Variants in CCAT2 observed in about 807,000 individuals in gnomAD.
CCAT2 encodes the protein colon cancer associated transcript 2, also known as colon cancer associated transcript 2 (non-protein coding).
At chr8:127,401,081 AT>A (rs1382699280) in exon 1 of CCAT2, 1 of 152,220 alleles carries the variant, frequency 6.6e-6, no homozygotes, top group Non-Finnish European at 1.5e-5. Flanking sequence ...AGTACAAAGA[AT>A]TTTTATGTGC....
chr8:127,401,967 C>A (rs1003348691), exon 1 of CCAT2: 1 of 151,850 alleles, frequency 6.6e-6, no homozygotes, highest in Non-Finnish European at 1.5e-5. Context: ...TCCTTTATCC[C>A]CAGATGTGGC....
At chr8:127,402,097 C>G (rs1814944672) in exon 1 of CCAT2, 1 of 152,232 alleles carries the variant, frequency 6.6e-6, no homozygotes, top group Non-Finnish European at 1.5e-5. Context: ...AGGTGTTCAG[C>G]TTCCCCTGTT....
exon 1 of CCAT2, chr8:127,401,713 A>T (rs2130612683): frequency 6.6e-6 from 1 of 152,358 alleles, no homozygotes; most frequent in Non-Finnish European, 1.5e-5. Context: ...GAGAGCTATT[A>T]GACTAAAGAG....
chr8:127,401,447 TTC>T (rs1347409279), exon 1 of CCAT2: 7 of 152,248 alleles, frequency 4.6e-5, no homozygotes, highest in Admixed American at 2.0e-4. Context: ...CAAGAAGGCA[TTC>T]TGTGTCTCCT....
chr8:127,401,249 G>A (rs944001685), exon 1 of CCAT2: 1 of 152,164 alleles, frequency 6.6e-6, no homozygotes, highest in African/African-American at 2.4e-5. Flanking sequence ...CCACAGTTCA[G>A]TTTCCTTTAA....
At chr8:127,401,081 A>G (rs766119038) in exon 1 of CCAT2, 3 of 152,220 alleles carry the variant, frequency 2.0e-5, no homozygotes, top group Non-Finnish European at 4.4e-5. Flanking sequence ...AGTACAAAGA[A>G]TTTTTATGTG....
At chr8:127,400,557 T>A (rs1814926681) in exon 1 of CCAT2, 1 of 152,162 alleles carries the variant, frequency 6.6e-6, no homozygotes. Flanking sequence ...TGCTAAAGTT[T>A]GCAAAACTGG....
chr8:127,401,621 A>G (rs577627605), exon 1 of CCAT2: 4 of 152,326 alleles, frequency 2.6e-5, no homozygotes, highest in African/African-American at 7.2e-5. Flanking sequence ...TTTTCTAAAG[A>G]GCCCTTAAGT....
exon 1 of CCAT2, chr8:127,400,454 A>G (rs749992610): frequency 1.3e-5 from 2 of 152,258 alleles, no homozygotes; most frequent in Non-Finnish European, 2.9e-5. Flanking sequence ...TGATTGCTGA[A>G]AAATGAATAC....
exon 1 of CCAT2, chr8:127,401,375 T>C (rs1020780880): frequency 2.0e-5 from 3 of 152,014 alleles, no homozygotes; most frequent in Non-Finnish European, 2.9e-5. Context: ...GTAGGAAGAG[T>C]CAAATAGTTA....
exon 1 of CCAT2, chr8:127,401,396 G>A (rs1814937115): frequency 6.6e-6 from 1 of 152,146 alleles, no homozygotes; most frequent in Non-Finnish European, 1.5e-5. Context: ...ATAAGGGAAG[G>A]GTTTGGCATG....
At chr8:127,401,700 T>G (rs1220575887) in exon 1 of CCAT2, 1 of 152,174 alleles carries the variant, frequency 6.6e-6, no homozygotes, top group African/African-American at 2.4e-5. Flanking sequence ...ATGGTATGAA[T>G]AGGAGAGCTA....
chr8:127,401,543 T>C (rs1814939125), exon 1 of CCAT2: 1 of 152,242 alleles, frequency 6.6e-6, no homozygotes, highest in Admixed American at 6.5e-5. Flanking sequence ...GTTTGGCCTA[T>C]ATCAATGCAT....
chr8:127,401,272 G>A (rs187300934), exon 1 of CCAT2: 1 of 152,320 alleles, frequency 6.6e-6, no homozygotes, highest in East Asian at 1.9e-4. Flanking sequence ...TGGTGCTCCA[G>A]GCAATAACTG....
exon 1 of CCAT2, chr8:127,402,062 G>C (rs891956875): frequency 2.0e-5 from 3 of 152,162 alleles, no homozygotes; most frequent in Non-Finnish European, 2.9e-5. Context: ...GTAGCTTTTT[G>C]AATGTCATTC....
exon 1 of CCAT2, chr8:127,400,420 T>C (rs1480223006): frequency 1.3e-5 from 2 of 152,222 alleles, no homozygotes; most frequent in Admixed American, 6.5e-5. Context: ...AGGTGGACTT[T>C]CCTGGATGTT....
exon 1 of CCAT2, chr8:127,400,763 A>T (rs747224428): frequency 1.3e-5 from 2 of 152,242 alleles, no homozygotes; most frequent in Non-Finnish European, 2.9e-5. Context: ...CCAAATGATT[A>T]CAAGCTTCTT....
exon 1 of CCAT2, chr8:127,400,646 C>T (rs1049614410): frequency 2.0e-5 from 3 of 152,166 alleles, no homozygotes; most frequent in African/African-American, 7.2e-5. Flanking sequence ...AAGTCAAGAG[C>T]CAAAATTCTA....
At chr8:127,400,537 TTGCTAGGTA>T (rs1455466610) in exon 1 of CCAT2, 1 of 152,124 alleles carries the variant, frequency 6.6e-6, no homozygotes, top group Non-Finnish European at 1.5e-5. Flanking sequence ...ACCAATTAAA[TTGCTAGGTA>T]TGCTAAAGTT....
Sources: gnomAD v4.1 joint callset for allele counts on GRCh38, gnomAD v4.1.1 for gene constraint, MANE v1.5 for transcripts, NCBI Gene and HGNC (gene_info 2026-07-23, HGNC 2026-07-21) for gene names.